KCNMA1: variants seen among roughly 807,000 people sequenced by gnomAD.
KCNMA1 encodes the protein potassium calcium-activated channel subfamily M alpha 1.
Under a neutral mutation model 140.0 loss-of-function variants are expected in KCNMA1, and 29 were observed. That is an observed-to-expected ratio of 0.21 (90% confidence interval 0.15 to 0.28). The LOEUF is 0.28. Ranked by LOEUF, KCNMA1 falls within the 10% of genes least tolerant of loss-of-function variation. The pLI is 1.00. For missense variants in KCNMA1, 880 were observed against 1,602.2 expected (o/e 0.55, Z 7.70); for synonymous variants, 612 against 611.9 (o/e 1.00, Z 0.00).
At chr10:76,959,779 A>G (rs898283142) in intron 20 of KCNMA1, among the ~76,000 whole-genome samples, 1 of 152,240 alleles carries the variant, frequency 6.6e-6, no homozygotes, top group Non-Finnish European at 1.5e-5. Context: ...ACTATGATGA[A>G]TAGCTGCCAT....
chr10:76,925,347 C>T (rs2057354562), intron 23 of KCNMA1, among the ~76,000 whole-genome samples: 1 of 152,138 alleles, frequency 6.6e-6, no homozygotes, highest in Non-Finnish European at 1.5e-5. Context: ...AGGACAAAGG[C>T]TGTTTTGCCA....
intron 2 of KCNMA1, among the ~76,000 whole-genome samples, chr10:77,303,943 A>G (rs1191235490): frequency 1.3e-5 from 2 of 152,236 alleles, no homozygotes; most frequent in East Asian, 1.9e-4. Context: ...AAATTTGTTT[A>G]TCACCCGTCT....
chr10:77,426,412 T>G (rs1168582320), intron 1 of KCNMA1, among the ~76,000 whole-genome samples: 1 of 152,178 alleles, frequency 6.6e-6, no homozygotes, highest in East Asian at 1.9e-4. Context: ...TTATGTAGTA[T>G]GTACTATTAT....
At chr10:76,975,278 A>G (rs946882912) in intron 19 of KCNMA1, 1 of 152,194 alleles carries the variant, frequency 6.6e-6, no homozygotes, top group Non-Finnish European at 1.5e-5. Context: ...ATGACTGTTT[A>G]AGACTTTCAC....
intron 5 of KCNMA1, among the ~76,000 whole-genome samples, chr10:77,153,426 C>T (rs1308621425): frequency 1.3e-5 from 2 of 152,020 alleles, no homozygotes; most frequent in African/African-American, 2.4e-5. Flanking sequence ...GGCTGGAGTC[C>T]AGTGGCACCA....
chr10:76,892,738 T>C (rs550252291), intron 25 of KCNMA1, among the ~76,000 whole-genome samples: 4 of 152,340 alleles, frequency 2.6e-5, no homozygotes, highest in Non-Finnish European at 4.4e-5. Context: ...TAACTAGTTC[T>C]ATGTCTTGGA....
At chr10:77,213,377 G>A (rs1404639039) in intron 3 of KCNMA1, among the ~76,000 whole-genome samples, 1 of 152,082 alleles carries the variant, frequency 6.6e-6, no homozygotes, top group Non-Finnish European at 1.5e-5. Context: ...GTCTAAGGAA[G>A]GTCCTCATGA....
chr10:77,563,220 C>A (rs549444740), intron 1 of KCNMA1, among the ~76,000 whole-genome samples: 3 of 152,296 alleles, frequency 2.0e-5, no homozygotes, highest in African/African-American at 7.2e-5. Context: ...GAGGCAGCAC[C>A]TCTGCAGTAA....
intron 2 of KCNMA1, among the ~76,000 whole-genome samples, chr10:77,312,308 G>A (rs2079530932): frequency 6.6e-6 from 1 of 152,188 alleles, no homozygotes; most frequent in Admixed American, 6.5e-5. Context: ...GGGAAGAGAG[G>A]AAGGACAGAA....
intron 1 of KCNMA1, among the ~76,000 whole-genome samples, chr10:77,466,935 GA>G (rs11363467): frequency 0.57 from 83,217 of 146,686 alleles, 23,866 homozygotes; most frequent in East Asian, 0.69. Flanking sequence ...AGGGAGGGGG[GA>G]AAGGGGAGGA....
At chr10:77,337,736 G>C (rs11592554) in intron 2 of KCNMA1, among the ~76,000 whole-genome samples, 2 of 152,180 alleles carry the variant, frequency 1.3e-5, no homozygotes, top group Non-Finnish European at 2.9e-5. Context: ...TCACATCCTA[G>C]GCATGCAGCA....
chr10:77,325,184 A>G (rs1315671114), intron 2 of KCNMA1, among the ~76,000 whole-genome samples: 1 of 152,150 alleles, frequency 6.6e-6, no homozygotes, highest in Non-Finnish European at 1.5e-5. Context: ...GTTACAGAAC[A>G]ATAAACAGAT....
intron 2 of KCNMA1, among the ~76,000 whole-genome samples, chr10:77,391,333 G>A (rs920303346): frequency 1.9e-4 from 29 of 152,174 alleles, no homozygotes; most frequent in African/African-American, 5.8e-4. Flanking sequence ...GCTCACAGAG[G>A]ACCCTGGCTT....
chr10:77,421,393 C>T (rs941531431), intron 1 of KCNMA1, among the ~76,000 whole-genome samples: 1 of 152,232 alleles, frequency 6.6e-6, no homozygotes, highest in Admixed American at 6.5e-5. Context: ...ACACTCAAGG[C>T]ATTTGCAAGT....
At chr10:77,567,221 T>C (rs2068661062) in intron 1 of KCNMA1, among the ~76,000 whole-genome samples, 1 of 152,212 alleles carries the variant, frequency 6.6e-6, no homozygotes, top group Non-Finnish European at 1.5e-5. Flanking sequence ...GGGATTAGAT[T>C]AATTGGAATT....
chr10:77,571,197 T>G (rs944211663), intron 1 of KCNMA1, among the ~76,000 whole-genome samples: 2 of 152,216 alleles, frequency 1.3e-5, no homozygotes, highest in African/African-American at 4.8e-5. Flanking sequence ...CTCGGGAATC[T>G]GATTCTTCTG....
intron 1 of KCNMA1, among the ~76,000 whole-genome samples, chr10:77,537,877 AG>A (rs1363987400): frequency 6.6e-6 from 1 of 152,018 alleles, no homozygotes; most frequent in Admixed American, 6.5e-5. Flanking sequence ...ATTTTTTGGC[AG>A]GGCTCAGCAG....
chr10:77,056,094 G>A (rs1247775), intron 14 of KCNMA1, among the ~76,000 whole-genome samples: 120,801 of 152,154 alleles, frequency 0.79, 48,057 homozygotes, highest in Middle Eastern at 0.83. Flanking sequence ...AAATCAAGCC[G>A]ATCAGGCCGG....
chr10:77,178,053 G>A (rs1020138025), intron 5 of KCNMA1, among the ~76,000 whole-genome samples: 3 of 152,110 alleles, frequency 2.0e-5, no homozygotes, highest in African/African-American at 7.2e-5. Flanking sequence ...CATTGCAACT[G>A]CCCTGTGATT....
Sources: gnomAD v4.1 joint callset for allele counts (sites outside exome capture counted in the v4.1 genomes callset) on GRCh38, gnomAD v4.1.1 for gene constraint, MANE v1.5 for transcripts, NCBI Gene and HGNC (gene_info 2026-07-23, HGNC 2026-07-21) for gene names.